MRPL23: variants seen among roughly 807,000 people sequenced by gnomAD.
The protein encoded by MRPL23 is large ribosomal subunit protein uL23m.
For synonymous variants in MRPL23, 12 were observed against 34.8 expected (o/e 0.35, Z 2.30); for missense variants, 25 against 81.3 (o/e 0.31, Z 2.66).
At chr11:1,959,339 T>TG (rs1276536937), downstream of MRPL23, among the ~76,000 whole-genome samples, 2 of 74,524 alleles carry the variant, frequency 2.7e-5, no homozygotes, top group Non-Finnish European at 5.7e-5. Flanking sequence ...GAGCTGAGCT[T>TG]GGGGTAGCCA....
At chr11:1,956,661 AC>A, downstream of MRPL23, 3 of 72,078 alleles carry the variant, frequency 4.2e-5, no homozygotes, top group Middle Eastern at 2.7e-3. Context: ...CGCAGCAGCC[AC>A]CCCCCAGCTC....
chr11:1,979,052 CTGAT>C (rs1487333262), intron 5 of MRPL23, among the ~76,000 whole-genome samples: 2 of 146,484 alleles, frequency 1.4e-5, no homozygotes, highest in Non-Finnish European at 3.1e-5. Flanking sequence ...TAATCACTGA[CTGAT>C]TGAGACCTGC....
the MRPL23 span, among the ~76,000 whole-genome samples, chr11:1,991,588 A>ACC: frequency 1.5e-4 from 19 of 124,732 alleles, 1 homozygote; most frequent in African/African-American, 4.0e-4. Flanking sequence ...ACACACACAC[A>ACC]CCCGTGCACA....
the MRPL23 span, among the ~76,000 whole-genome samples, chr11:1,994,351 T>C: frequency 2.1e-5 from 2 of 95,578 alleles, no homozygotes; most frequent in African/African-American, 5.5e-5. Flanking sequence ...AACCCATGAG[T>C]GGGCTGCCTT....
chr11:1,960,059 C>T (rs1460901128), downstream of MRPL23, among the ~76,000 whole-genome samples: 2 of 114,598 alleles, frequency 1.7e-5, 1 homozygote, highest in Admixed American at 2.2e-4. Context: ...GTGGAGGGCC[C>T]TCGGGACCGC....
chr11:1,991,707 C>T, the MRPL23 span, among the ~76,000 whole-genome samples: 6 of 128,814 alleles, frequency 4.7e-5, no homozygotes, highest in African/African-American at 1.3e-4. Flanking sequence ...TTGGGAGGGC[C>T]GAGGAGGGCC....
the MRPL23 span, among the ~76,000 whole-genome samples, chr11:1,991,684 C>T: frequency 7.5e-6 from 1 of 133,846 alleles, no homozygotes. Flanking sequence ...GGGCTGACCT[C>T]CTGGCCCCCA....
intron 5 of MRPL23, chr11:1,983,955 T>C (rs1474641221): frequency 1.7e-5 from 2 of 118,828 alleles, no homozygotes; most frequent in Non-Finnish European, 3.8e-5. Context: ...GGGACCGCCC[T>C]CCCGACGAAG....
At chr11:1,983,548 G>T (rs560000527) in intron 5 of MRPL23, 2 of 102,792 alleles carry the variant, frequency 1.9e-5, no homozygotes, top group Non-Finnish European at 4.3e-5. Flanking sequence ...GCAGGGTCAG[G>T]CCCAGTGGGT....
downstream of MRPL23, among the ~76,000 whole-genome samples, chr11:1,988,924 G>A (rs946648662): frequency 3.5e-5 from 5 of 144,762 alleles, 1 homozygote; most frequent in Non-Finnish European, 7.7e-5. Flanking sequence ...CCCACAGACG[G>A]GCCTCCCTGG....
the MRPL23 span, chr11:1,992,366 G>A: frequency 1.0e-5 from 1 of 96,782 alleles, no homozygotes; most frequent in African/African-American, 2.7e-5. Context: ...AGGGTCCAGC[G>A]TGGCCACAGC....
At chr11:1,978,750 CA>C (rs61590768) in intron 5 of MRPL23, among the ~76,000 whole-genome samples, 60 of 43,212 alleles carry the variant, frequency 1.4e-3, no homozygotes, top group Non-Finnish European at 2.0e-3. Context: ...AACTCTGTCT[CA>C]AAAAAAAAAA....
intron 5 of MRPL23, chr11:1,983,598 T>G (rs1856775486): frequency 8.1e-6 from 1 of 122,880 alleles, no homozygotes; most frequent in African/African-American, 2.9e-5. Context: ...TATCTGGGGG[T>G]GGTGAGGGGG....
At chr11:1,983,875 G>T (rs1334437145) in intron 5 of MRPL23, 1 of 127,478 alleles carries the variant, frequency 7.8e-6, no homozygotes, top group Non-Finnish European at 1.8e-5. Flanking sequence ...AACAGCCTCC[G>T]CACCATTCCT....
the MRPL23 span, among the ~76,000 whole-genome samples, chr11:1,991,591 C>T: frequency 3.1e-5 from 4 of 130,808 alleles, no homozygotes; most frequent in African/African-American, 7.6e-5. Context: ...CACACACACC[C>T]GTGCACACCC....
the MRPL23 span, among the ~76,000 whole-genome samples, chr11:1,991,666 A>G: frequency 7.4e-6 from 1 of 135,736 alleles, no homozygotes; most frequent in Non-Finnish European, 1.7e-5. Flanking sequence ...GCCGGGGTCC[A>G]GGTTGAGGGG....
downstream of MRPL23, among the ~76,000 whole-genome samples, chr11:1,989,048 A>G (rs1479143945): frequency 1.4e-5 from 2 of 140,282 alleles, no homozygotes. Flanking sequence ...CCTGGGCCCC[A>G]GAAACCTCTT....
At chr11:1,988,878 C>T (rs1282944367), downstream of MRPL23, among the ~76,000 whole-genome samples, 1 of 145,864 alleles carries the variant, frequency 6.9e-6, no homozygotes, top group Non-Finnish European at 1.5e-5. Flanking sequence ...AGGGCGGGGG[C>T]GGCCAAGCCT....
downstream of MRPL23, among the ~76,000 whole-genome samples, chr11:1,988,865 G>A (rs562343935): frequency 2.7e-5 from 4 of 146,140 alleles, 1 homozygote; most frequent in African/African-American, 4.9e-5. Context: ...AGGAATGGGA[G>A]GCAGGGCGGG....
Sources: allele counts gnomAD v4.1 joint callset (sites outside exome capture counted in the v4.1 genomes callset), GRCh38; gene constraint gnomAD v4.1.1; transcripts MANE v1.5; gene names NCBI Gene and HGNC (gene_info 2026-07-23, HGNC 2026-07-21).